The following MRAS variants were observed in gnomAD, a reference collection of about 807,000 sequenced individuals.
MRAS encodes the protein muscle RAS oncogene homolog, also known as ras-related protein M-Ras.
Under a neutral mutation model 20.9 loss-of-function variants are expected in MRAS, and 4 were observed. The observed-to-expected ratio is 0.19, with a 90% CI of 0.09 to 0.44. The LOEUF is 0.44. Among genes scored for constraint, MRAS ranks in the 20% least tolerant of loss-of-function variants. The probability of loss-of-function intolerance (pLI) is 0.99; values close to 1 mark genes in which losing one functional copy is unlikely to be tolerated. For missense variants in MRAS, 154 were observed against 277.5 expected (o/e 0.56, Z 3.16); for synonymous variants, 98 against 102.9 (o/e 0.95, Z 0.29).
intron 1 of MRAS, among the ~76,000 whole-genome samples, chr3:138,351,832 G>A (rs1404363684): frequency 6.6e-6 from 1 of 152,150 alleles, no homozygotes; most frequent in Non-Finnish European, 1.5e-5. Flanking sequence ...TCTTTAATAT[G>A]TTGATGAGAA....
intron 1 of MRAS, among the ~76,000 whole-genome samples, chr3:138,372,150 C>CA (rs927474997): frequency 9.9e-5 from 15 of 150,756 alleles, no homozygotes; most frequent in East Asian, 5.8e-4. Context: ...ATTTTGACAA[C>CA]AAAAAAAAAT....
intron 1 of MRAS, among the ~76,000 whole-genome samples, chr3:138,364,035 C>T (rs16848012): frequency 0.011 from 1,717 of 152,230 alleles, 37 homozygotes; most frequent in African/African-American, 0.037. Flanking sequence ...GAGGAGCTTA[C>T]CTTTCATCCA....
At chr3:138,385,101 A>G (rs1481617874) in intron 2 of MRAS, among the ~76,000 whole-genome samples, 1 of 151,662 alleles carries the variant, frequency 6.6e-6, no homozygotes, top group African/African-American at 2.4e-5. Context: ...GGAAGAGAGA[A>G]ATGAACAGTA....
intron 1 of MRAS, among the ~76,000 whole-genome samples, chr3:138,370,241 C>T (rs13317727): frequency 2.4e-3 from 363 of 152,330 alleles, no homozygotes; most frequent in Admixed American, 6.3e-3. Flanking sequence ...ATCTCTTGAA[C>T]TTGGGAGGCG....
chr3:138,391,479 A>T (rs972719551), intron 2 of MRAS, among the ~76,000 whole-genome samples: 1 of 152,226 alleles, frequency 6.6e-6, no homozygotes, highest in African/African-American at 2.4e-5. Flanking sequence ...ATCTGAAAGG[A>T]TTCAAAATCT....
At chr3:138,389,038 T>C (rs13082471) in intron 2 of MRAS, among the ~76,000 whole-genome samples, 129,197 of 151,840 alleles carry the variant, frequency 0.85, 55,281 homozygotes, top group East Asian at 0.98. Context: ...GACTGGGTTT[T>C]ACCGTGTTGT....
intron 1 of MRAS, among the ~76,000 whole-genome samples, chr3:138,365,432 G>A (rs1001092722): frequency 6.6e-6 from 1 of 152,160 alleles, no homozygotes; most frequent in Non-Finnish European, 1.5e-5. Flanking sequence ...TAGGGGTCAC[G>A]AGTAAGCCCA....
At position 138,373,592 on chromosome 3, in the gene MRAS, A is replaced by G. The variant is rs529395804; in HGVS notation, c.193+516A>G. On this transcript the variant is annotated intron_variant, in intron 2 of 5. Coordinates refer to ENST00000423968, the MANE Select transcript of MRAS (RefSeq NM_001085049.3). ...ATTAGAAATGCACATCCTCAGGCCC[A>G]TACTGATTTGGAAATTCTGAGGGTG... 1.2e-4 allele frequency among the ~76,000 whole-genome samples: 19 copies of G among 152,330 alleles called. No homozygotes were observed. In the South Asian group the frequency reaches 3.5e-3, roughly 28 times the overall value.
intron 2 of MRAS, among the ~76,000 whole-genome samples, chr3:138,381,364 C>G (rs1173084316): frequency 1.3e-5 from 2 of 152,218 alleles, no homozygotes; most frequent in African/African-American, 4.8e-5. Flanking sequence ...AGGGTGAGAC[C>G]TAGCTAGCTG....
At chr3:138,354,506 A>G (rs921678987) in intron 1 of MRAS, among the ~76,000 whole-genome samples, 2 of 152,124 alleles carry the variant, frequency 1.3e-5, no homozygotes, top group Non-Finnish European at 2.9e-5. Flanking sequence ...GGGCCTCCCT[A>G]GAAGTTGTTG....
intron 1 of MRAS, among the ~76,000 whole-genome samples, chr3:138,359,655 G>A (rs1315165299): frequency 1.3e-5 from 2 of 152,124 alleles, no homozygotes; most frequent in Non-Finnish European, 2.9e-5. Flanking sequence ...TACTCCTGGG[G>A]TGGGCTGTGT....
intron 1 of MRAS, among the ~76,000 whole-genome samples, chr3:138,366,500 A>G (rs1409173907): frequency 4.6e-5 from 7 of 152,246 alleles, no homozygotes; most frequent in South Asian, 2.1e-4. Flanking sequence ...CAAACCTTCA[A>G]TAAAGTTGGC....
At chr3:138,350,969 C>T (rs945245863) in intron 1 of MRAS, among the ~76,000 whole-genome samples, 1 of 143,246 alleles carries the variant, frequency 7.0e-6, no homozygotes, top group Non-Finnish European at 1.5e-5. Context: ...AAAAAAGTGA[C>T]AAGTCAGTTA....
intron 4 of MRAS, among the ~76,000 whole-genome samples, chr3:138,399,263 A>G (rs919083159): frequency 6.6e-6 from 1 of 152,244 alleles, no homozygotes; most frequent in Non-Finnish European, 1.5e-5. Context: ...TAATGTGAGG[A>G]CTAAAAGAGG....
chr3:138,388,684 G>A (rs1438191310), intron 2 of MRAS, among the ~76,000 whole-genome samples: 1 of 152,080 alleles, frequency 6.6e-6, no homozygotes, highest in Non-Finnish European at 1.5e-5. Flanking sequence ...GGGTGACGGA[G>A]TGAGACTCTG....
intron 2 of MRAS, among the ~76,000 whole-genome samples, chr3:138,395,608 T>G (rs1353914753): frequency 2.0e-5 from 3 of 152,194 alleles, no homozygotes. Flanking sequence ...CTTCTGATAT[T>G]GGTCCTCCTT....
At chr3:138,389,577 G>T (rs928176998) in intron 2 of MRAS, among the ~76,000 whole-genome samples, 4 of 146,908 alleles carry the variant, frequency 2.7e-5, no homozygotes, top group African/African-American at 1.1e-4. Flanking sequence ...GGCCCAGCCG[G>T]TTCTAGGATA....
At chr3:138,361,071 C>T (rs753095892) in intron 1 of MRAS, among the ~76,000 whole-genome samples, 3 of 152,208 alleles carry the variant, frequency 2.0e-5, no homozygotes, top group South Asian at 2.1e-4. Context: ...GGAGCACTTG[C>T]GCTGCCACCT....
At chr3:138,391,921 C>T (rs375786517) in intron 2 of MRAS, among the ~76,000 whole-genome samples, 8 of 152,264 alleles carry the variant, frequency 5.3e-5, no homozygotes, top group African/African-American at 1.4e-4. Flanking sequence ...AGGTGGATCA[C>T]GAGGTCAGGA....
Sources: gnomAD v4.1 joint callset for allele counts (sites outside exome capture counted in the v4.1 genomes callset) on GRCh38, gnomAD v4.1.1 for gene constraint, MANE v1.5 for transcripts, NCBI Gene and HGNC (gene_info 2026-07-23, HGNC 2026-07-21) for gene names.